CSMD1: variants seen among roughly 807,000 people sequenced by gnomAD.
The protein encoded by CSMD1 is CUB and sushi domain-containing protein 1.
A neutral mutation model predicts 417.5 loss-of-function variants in CSMD1; 213 were observed. The observed-to-expected ratio is 0.51, with a 90% CI of 0.46 to 0.57. The LOEUF (loss-of-function observed/expected upper bound fraction) is 0.57, where lower values mean the gene tolerates loss of function less well. CSMD1 is among the 20% of genes least tolerant of loss of function. CSMD1 has a pLI of 0.00. For synonymous variants in CSMD1, 2,862 were observed against 1,736.8 expected (o/e 1.65, Z -16.11); for missense variants, 6,923 against 4,529.7 (o/e 1.53, Z -15.17).
intron 10 of CSMD1, among the ~76,000 whole-genome samples, chr8:3,552,127 C>T (rs544539771): frequency 6.6e-6 from 1 of 152,172 alleles, no homozygotes; most frequent in Non-Finnish European, 1.5e-5. Context: ...TACATGGAGG[C>T]ACTTTGAATT....
At chr8:3,550,586 C>A (rs574786296) in intron 10 of CSMD1, among the ~76,000 whole-genome samples, 1 of 152,264 alleles carries the variant, frequency 6.6e-6, no homozygotes, top group Non-Finnish European at 1.5e-5. Context: ...GTGCATCATC[C>A]CTAAGTTCCT....
At chr8:4,375,427 C>T (rs117053609) in intron 3 of CSMD1, among the ~76,000 whole-genome samples, 1 of 152,146 alleles carries the variant, frequency 6.6e-6, no homozygotes, top group Admixed American at 6.5e-5. Context: ...GCATCTTGTA[C>T]TACCCCAGGA....
chr8:3,800,725 G>C (rs1800408434), intron 5 of CSMD1, among the ~76,000 whole-genome samples: 1 of 152,102 alleles, frequency 6.6e-6, no homozygotes, highest in Non-Finnish European at 1.5e-5. Flanking sequence ...AACAGTTCTT[G>C]AAGGAAAAGA....
intron 2 of CSMD1, among the ~76,000 whole-genome samples, chr8:4,566,312 T>C (rs962276651): frequency 7.2e-5 from 11 of 152,148 alleles, no homozygotes; most frequent in Non-Finnish European, 1.3e-4. Flanking sequence ...AGGAAAGCCA[T>C]TGGCTCATTA....
At chr8:4,124,387 G>C (rs1046673305) in intron 3 of CSMD1, among the ~76,000 whole-genome samples, 4 of 132,372 alleles carry the variant, frequency 3.0e-5, no homozygotes, top group Non-Finnish European at 6.4e-5. Flanking sequence ...ATATCAAAAA[G>C]GAGACAGGGG....
At chr8:4,764,094 A>C (rs914903971) in intron 1 of CSMD1, among the ~76,000 whole-genome samples, 1 of 152,016 alleles carries the variant, frequency 6.6e-6, no homozygotes, top group African/African-American at 2.4e-5. Context: ...TGCAATCTCC[A>C]CCTCCAGAGA....
chr8:4,058,192 T>C (rs1408759113), intron 3 of CSMD1, among the ~76,000 whole-genome samples: 2 of 152,164 alleles, frequency 1.3e-5, no homozygotes, highest in East Asian at 1.9e-4. Flanking sequence ...CATTTCTTTG[T>C]ATCCTCTTTT....
chr8:4,260,858 G>A (rs12677331), intron 3 of CSMD1, among the ~76,000 whole-genome samples: 16,473 of 152,092 alleles, frequency 0.11, 1,299 homozygotes, highest in East Asian at 0.39. Context: ...TTTTTTGTTA[G>A]AAAGACAAAT....
chr8:3,103,892 T>A (rs772737524), intron 46 of CSMD1, among the ~76,000 whole-genome samples: 5 of 152,012 alleles, frequency 3.3e-5, no homozygotes, highest in Admixed American at 6.6e-5. Flanking sequence ...TACAGGCACG[T>A]GCCACCACAC....
chr8:4,899,158 T>C (rs1431198932), intron 1 of CSMD1, among the ~76,000 whole-genome samples: 2 of 152,312 alleles, frequency 1.3e-5, no homozygotes, highest in South Asian at 4.1e-4. Context: ...AGCTAAAACC[T>C]TTCTCTCAAC....
intron 8 of CSMD1, among the ~76,000 whole-genome samples, chr8:3,614,294 T>C (rs929877382): frequency 1.9e-4 from 29 of 152,098 alleles, no homozygotes; most frequent in Admixed American, 3.9e-4. Flanking sequence ...AAACCTTATC[T>C]ATATTCTTTC....
At chr8:3,717,998 T>C (rs939225660) in intron 6 of CSMD1, among the ~76,000 whole-genome samples, 2 of 152,184 alleles carry the variant, frequency 1.3e-5, no homozygotes, top group South Asian at 2.1e-4. Flanking sequence ...CTGATGTAAA[T>C]AAGAATATCT....
chr8:3,417,791 A>C (rs2116959504), intron 12 of CSMD1, among the ~76,000 whole-genome samples: 1 of 152,306 alleles, frequency 6.6e-6, no homozygotes, highest in East Asian at 1.9e-4. Flanking sequence ...ACCTTCGGAA[A>C]ACAAGATTGC....
At chr8:3,182,886 G>GTAT (rs1821478187) in intron 36 of CSMD1, 1 of 141,980 alleles carries the variant, frequency 7.0e-6, no homozygotes, top group African/African-American at 2.8e-5. Context: ...GTGTGTGTGT[G>GTAT]TGTGTGTGTG....
rs574347459 is a variant in CSMD1 at position 3,934,320 on chromosome 8, C to A, written c.818+63583G>T. On this transcript the variant is annotated intron_variant, in intron 5 of 69. Coordinates refer to ENST00000635120, the MANE Select transcript of CSMD1 (RefSeq NM_033225.6). The stretch of plus-strand genomic sequence containing the variant: ...GCCTACTATGTATAAATGAAAATTT[C>A]AAAAATAGTTAACACGTACAAAAAG... Among the ~76,000 whole-genome samples the A allele has an allele frequency of 1.6e-4, 24 of 152,140 alleles. No homozygotes were observed. In the South Asian group the frequency reaches 4.8e-3, roughly 30 times the overall value.
intron 3 of CSMD1, among the ~76,000 whole-genome samples, chr8:4,399,663 G>A (rs755507122): frequency 4.0e-5 from 6 of 151,892 alleles, no homozygotes; most frequent in Non-Finnish European, 5.9e-5. Context: ...ACATATTGTA[G>A]TCTGCAGCTG....
rs186740543 is a variant in CSMD1, at chr8:3,837,347, G to A, written c.819-83305C>T. Reference sequence around the variant, plus strand: ...ATTCATTTCTACATCAGAGCCCCAGGCTGGAGCTATATTAAGCCACTAAAT... The same window carrying A: ...ATTCATTTCTACATCAGAGCCCCAGACTGGAGCTATATTAAGCCACTAAAT... On this transcript the variant is annotated intron_variant, in intron 5 of 69. Transcript: ENST00000635120. 1.1e-4 allele frequency among the ~76,000 whole-genome samples: 16 copies of A among 152,162 alleles called. No homozygotes were observed. In the East Asian group the frequency reaches 2.9e-3, roughly 28 times the overall value.
chr8:4,087,229 C>T (rs953005670), intron 3 of CSMD1, among the ~76,000 whole-genome samples: 8 of 152,170 alleles, frequency 5.3e-5, no homozygotes, highest in African/African-American at 1.4e-4. Context: ...TCCCAAGGAA[C>T]GGCTAAGTCC....
At chr8:4,144,066 G>A (rs778765432) in intron 3 of CSMD1, among the ~76,000 whole-genome samples, 5 of 151,174 alleles carry the variant, frequency 3.3e-5, no homozygotes, top group East Asian at 1.9e-4. Context: ...ATGGGGAGAC[G>A]GAAGTTTTTC....
Sources: allele counts gnomAD v4.1 joint callset (sites outside exome capture counted in the v4.1 genomes callset), GRCh38; gene constraint gnomAD v4.1.1; transcripts MANE v1.5; gene names NCBI Gene and HGNC (gene_info 2026-07-23, HGNC 2026-07-21).